The following RCN1 variants were observed in gnomAD, a reference collection of about 807,000 sequenced individuals.
The protein encoded by RCN1 is reticulocalbin-1.
Under a neutral mutation model 34.7 loss-of-function variants are expected in RCN1, and 14 were observed. The observed-to-expected ratio is 0.40, with a 90% CI of 0.27 to 0.63. The LOEUF is 0.63. Among genes scored for constraint, RCN1 ranks in the 30% least tolerant of loss-of-function variants. The pLI, the probability that RCN1 is intolerant of heterozygous loss-of-function variation, is 0.37. For missense variants in RCN1, 326 were observed against 425.1 expected (o/e 0.77, Z 2.05); for synonymous variants, 125 against 165.5 (o/e 0.76, Z 1.88).
At position 32,098,390 on chromosome 11, in the gene RCN1, CT is replaced by C. The variant is rs1180630318; in HGVS notation, c.492del (p.Phe164LeufsTer21). The stretch of plus-strand genomic sequence containing the variant: ...TTCATGATTCTTCAGATCATCACAC[CT>C]TTAAAAAGATGCTGCCACGTGATGA... ...EFHDSSDHHT[F>X]KKMLPRDERR... On this transcript the variant is annotated frameshift_variant, in exon 3 of 6. Transcript: ENST00000054950. LOFTEE classifies it high-confidence loss of function. 2.5e-6 allele frequency: 4 copies of C among 1,613,622 alleles called. No homozygotes were observed. In the East Asian group the frequency reaches 8.9e-5, roughly 36 times the overall value.
Position 32,103,348 on chromosome 11 carries a change from T to C in RCN1, c.756T>C (p.Phe252=). 2 of 1,613,836 alleles carry C rather than the reference T, an allele frequency of 1.2e-6. No homozygotes were observed. The highest frequency in any genetic ancestry group is 1.7e-6 in the Non-Finnish European group (2 of 1,179,708). The change falls in exon 5 of 6, where the codon TTT becomes TTC. Residue 252 remains phenylalanine (F), a synonymous_variant. Coordinates refer to ENST00000054950, the MANE Select transcript of RCN1 (RefSeq NM_002901.4). The part of the protein sequence containing the change: ...PDWVLSEREQ[F]NEFRDLNKDG... Reference sequence around the variant, plus strand: ...GGGTTTTATCAGAACGGGAGCAGTTTAACGAATTCCGGGATCTGAACAAGG... The same window carrying C: ...GGGTTTTATCAGAACGGGAGCAGTTCAACGAATTCCGGGATCTGAACAAGG...
intron 4 of RCN1, among the ~76,000 whole-genome samples, chr11:32,101,071 A>C (rs1279298377): frequency 2.6e-5 from 4 of 152,230 alleles, no homozygotes. Context: ...GCAGAAAGGC[A>C]TTCTTCTTAG....
At chr11:32,098,638 G>T in intron 3 of RCN1, 110 bp downstream of exon 3, 1 of 879,764 alleles carries the variant, frequency 1.1e-6, no homozygotes. Context: ...AATTGGAGAA[G>T]GACTCTGAAG....
chr11:32,091,262 G>A lies in RCN1; in HGVS notation c.66G>A (p.Leu22=), dbSNP rs746555362. The A allele has an allele frequency of 1.2e-5, 18 of 1,537,570 alleles. No individual in the cohort carries two copies. The South Asian group carries it at 1.3e-4, about 11-fold the overall frequency. The change falls in exon 1 of 6, where the codon CTG becomes CTA. Residue 22 remains leucine, a synonymous_variant. Transcript: ENST00000054950. ...LALGLLLALV[L]APRVLRAKPT... ...TGGGGCTGCTGCTGGCGCTGGTGCT[G>A]GCGCCGCGGGTTCTGCGGGCCAAGC... is the stretch of plus-strand genomic sequence containing the variant.
intron 1 of RCN1, 40 bp from the exon 2 acceptor site, chr11:32,097,104 C>A: frequency 7.0e-7 from 1 of 1,424,862 alleles, no homozygotes; most frequent in Non-Finnish European, 9.2e-7. Flanking sequence ...CAGCCTTGTG[C>A]CTGTGTGTGG....
rs978436960 is a variant in RCN1 at position 32,105,565 on chromosome 11, C to T, written c.*1093C>T. 6.6e-6 allele frequency: 1 copy of T among 152,150 alleles called. No individual in the cohort carries two copies. The highest frequency in any genetic ancestry group is 2.4e-5 in the African/African-American group (1 of 41,434). The allele number at this position is 152,150 out of a possible 1,614,324, so 9.4% of individuals were successfully genotyped here. On this transcript the variant is annotated 3_prime_UTR_variant, in exon 6 of 6. Transcript: ENST00000054950. Reference sequence around the variant, plus strand: ...CTGTGTCCTGTGGTGTTTGACTTCACAGATGCTATTTGTGACATTATTCAT... The same window carrying T: ...CTGTGTCCTGTGGTGTTTGACTTCATAGATGCTATTTGTGACATTATTCAT...
At chr11:32,094,872 G>A (rs1453160584) in intron 1 of RCN1, among the ~76,000 whole-genome samples, 2 of 152,188 alleles carry the variant, frequency 1.3e-5, no homozygotes, top group African/African-American at 4.8e-5. Flanking sequence ...CTCCATCCTA[G>A]CTGCCTTTCC....
intron 1 of RCN1, among the ~76,000 whole-genome samples, chr11:32,094,422 C>T (rs1335563362): frequency 6.6e-6 from 1 of 152,204 alleles, no homozygotes; most frequent in African/African-American, 2.4e-5. Flanking sequence ...CACCTTTATT[C>T]CCATGTGTCA....
intron 4 of RCN1, among the ~76,000 whole-genome samples, chr11:32,101,149 A>G (rs1284127718): frequency 6.6e-6 from 1 of 152,162 alleles, no homozygotes; most frequent in African/African-American, 2.4e-5. Context: ...CTCGTTTCCC[A>G]TCCTTTGGAT....
intron 2 of RCN1, among the ~76,000 whole-genome samples, chr11:32,097,568 C>G (rs1324633163): frequency 1.3e-5 from 2 of 152,124 alleles, no homozygotes; most frequent in Non-Finnish European, 2.9e-5. Flanking sequence ...AAAAAAATCC[C>G]TTAGATTGAG....
intron 1 of RCN1, chr11:32,091,881 C>T (rs1448056222): frequency 5.3e-6 from 1 of 187,846 alleles, no homozygotes; most frequent in Non-Finnish European, 1.1e-5. Flanking sequence ...TTGAGACACT[C>T]GCTAAGAAAA....
chr11:32,101,438 A>G (rs909271547), intron 4 of RCN1, among the ~76,000 whole-genome samples: 3 of 152,338 alleles, frequency 2.0e-5, no homozygotes, highest in Admixed American at 6.5e-5. Context: ...GAGAAATGAA[A>G]TATGTATAAT....
In RCN1 at chr11:32,098,336, C is replaced by T. The variant is rs373479906; in HGVS notation, c.449-14C>T. 429 of 1,603,640 alleles carry T rather than the reference C, an allele frequency of 2.7e-4. 2 individuals are homozygous for T. Among genetic ancestry groups the T allele is most frequent in the Non-Finnish European group, 3.3e-4 (384 of 1,176,302 alleles). On this transcript the variant is annotated splice_polypyrimidine_tract_variant and intron_variant, in intron 2 of 5. Coordinates refer to ENST00000054950, the MANE Select transcript of RCN1 (RefSeq NM_002901.4). ...CACGGTTTAAAAACATTTCTGCATA[C>T]ATACATCCTGCAGGAAACCCCGCAG...
chr11:32,095,196 G>T (rs1348925388), intron 1 of RCN1, among the ~76,000 whole-genome samples: 6 of 151,596 alleles, frequency 4.0e-5, no homozygotes, highest in African/African-American at 1.5e-4. Flanking sequence ...GTCTGGCTAT[G>T]ATTTCCTGGG....
chr11:32,098,610 A>G, intron 3 of RCN1, 82 bp downstream of exon 3: 1 of 1,149,308 alleles, frequency 8.7e-7, no homozygotes, highest in Non-Finnish European at 1.2e-6. Context: ...AAGAGAGAAG[A>G]TTTTTCAGCC....
intron 1 of RCN1, among the ~76,000 whole-genome samples, chr11:32,094,456 C>T (rs1255652933): frequency 6.6e-6 from 1 of 152,196 alleles, no homozygotes; most frequent in Non-Finnish European, 1.5e-5. Flanking sequence ...GCAGAGTCGG[C>T]CAGCCCTATT....
intron 5 of RCN1, 89 bp downstream of exon 5, chr11:32,103,569 C>A: frequency 9.2e-7 from 1 of 1,091,494 alleles, no homozygotes; most frequent in Non-Finnish European, 1.4e-6. Context: ...TAGCATTGAC[C>A]CATGTGGCCA....
intron 1 of RCN1, among the ~76,000 whole-genome samples, chr11:32,095,910 A>G (rs1389772874): frequency 6.6e-6 from 1 of 152,154 alleles, no homozygotes; most frequent in Non-Finnish European, 1.5e-5. Context: ...GGTGATGTTT[A>G]CACCTTCCTG....
Position 32,091,195 on chromosome 11 carries a change from C to T in RCN1, c.-2C>T. On this transcript the variant is annotated 5_prime_UTR_variant, in exon 1 of 6. It adds an upstream start codon to the 5' untranslated region. Coordinates refer to ENST00000054950, the MANE Select transcript of RCN1 (RefSeq NM_002901.4). ...CCTCTCGGCCGCCCTCTCCTCGGGA[C>T]GATGGCGCGCGGTGGCCGCGGCCGC... The T allele has an allele frequency of 7.0e-7, 1 of 1,431,904 alleles. No homozygotes were observed. Among genetic ancestry groups the T allele is most frequent in the Non-Finnish European group, 9.1e-7 (1 of 1,100,450 alleles). The allele number at this position is 1,431,904 out of a possible 1,614,324, so 88.7% of individuals were successfully genotyped here.
Sources: allele counts gnomAD v4.1 joint callset (sites outside exome capture counted in the v4.1 genomes callset), GRCh38; gene constraint gnomAD v4.1.1; transcripts MANE v1.5; gene names NCBI Gene and HGNC (gene_info 2026-07-23, HGNC 2026-07-21).